COX7B2: variants seen among roughly 807,000 people sequenced by gnomAD.
COX7B2 encodes cytochrome c oxidase subunit 7B2, mitochondrial.
For synonymous variants in COX7B2, 37 were observed against 32.1 expected (o/e 1.15, Z -0.51); for missense variants, 109 against 95.9 (o/e 1.14, Z -0.57).
intron 2 of COX7B2, 123 bp from the exon 3 acceptor site, chr4:46,735,364 T>C: frequency 1.4e-6 from 1 of 691,508 alleles, no homozygotes. Flanking sequence ...TATAACAATA[T>C]CTGAATTTGA....
chr4:46,838,363 A>G (rs1018186877), intron 2 of COX7B2, among the ~76,000 whole-genome samples: 11 of 152,032 alleles, frequency 7.2e-5, no homozygotes, highest in African/African-American at 2.2e-4. Context: ...AACATGTATA[A>G]TATATATATT....
Position 46,899,047 on chromosome 4 carries a change from T to C in COX7B2, c.-105+10113A>G, listed in dbSNP as rs190927681. ...ACAAATTATGTTCAAGAAATGATCT[T>C]AGTTTTTATCAATTCCCATTGTTGA... On this transcript the variant is annotated intron_variant, in intron 1 of 2. Transcript: ENST00000355591. Among the ~76,000 whole-genome samples, 475 of 152,308 alleles carry C rather than the reference T, an allele frequency of 3.1e-3. 1 individual carries two copies. The highest frequency in any genetic ancestry group is 5.9e-3 in the Non-Finnish European group (403 of 68,020).
intron 2 of COX7B2, among the ~76,000 whole-genome samples, chr4:46,800,089 G>A (rs1362377550): frequency 6.6e-6 from 1 of 152,028 alleles, no homozygotes; most frequent in Non-Finnish European, 1.5e-5. Flanking sequence ...AATCTCTACA[G>A]TGAAAATTAT....
chr4:46,866,386 C>T (rs1424727271), intron 1 of COX7B2, among the ~76,000 whole-genome samples: 4 of 152,246 alleles, frequency 2.6e-5, no homozygotes, highest in South Asian at 2.1e-4. Flanking sequence ...GAAAGAAATC[C>T]GACCCTGCAA....
At chr4:46,830,176 T>C (rs1714972686) in intron 2 of COX7B2, among the ~76,000 whole-genome samples, 1 of 151,722 alleles carries the variant, frequency 6.6e-6, no homozygotes, top group African/African-American at 2.4e-5. Flanking sequence ...ATACAAAAAT[T>C]AGCCGGGGGT....
intron 2 of COX7B2, among the ~76,000 whole-genome samples, chr4:46,803,478 CAAAT>C (rs1482179691): frequency 1.4e-4 from 21 of 152,070 alleles, no homozygotes; most frequent in Non-Finnish European, 2.9e-5. Context: ...CCCACTTCAT[CAAAT>C]ATTTCATTAG....
intron 2 of COX7B2, among the ~76,000 whole-genome samples, chr4:46,743,546 C>A (rs1158577948): frequency 6.6e-6 from 1 of 152,074 alleles, no homozygotes; most frequent in Admixed American, 6.6e-5. Flanking sequence ...CAGTATTTCC[C>A]AAAATATGCC....
At chr4:46,775,323 T>G (rs1371758621) in intron 2 of COX7B2, among the ~76,000 whole-genome samples, 1 of 152,120 alleles carries the variant, frequency 6.6e-6, no homozygotes, top group East Asian at 1.9e-4. Flanking sequence ...TCATATGTTG[T>G]TAAAAGAATA....
intron 1 of COX7B2, among the ~76,000 whole-genome samples, chr4:46,846,464 G>A (rs1394528641): frequency 6.6e-6 from 1 of 151,914 alleles, no homozygotes. Flanking sequence ...ACAGCAAAAA[G>A]GTGAATAGGG....
chr4:46,747,230 AGT>A (rs1424326636), intron 2 of COX7B2, among the ~76,000 whole-genome samples: 1 of 151,880 alleles, frequency 6.6e-6, no homozygotes, highest in African/African-American at 2.4e-5. Flanking sequence ...AAAAGACCCT[AGT>A]GTGTGTTATT....
intron 1 of COX7B2, among the ~76,000 whole-genome samples, chr4:46,891,491 C>T (rs938304053): frequency 2.6e-5 from 4 of 152,068 alleles, no homozygotes; most frequent in Non-Finnish European, 5.9e-5. Context: ...AGAACGATGT[C>T]CCAAAAGTCA....
chr4:46,752,426 A>T (rs1398443722), intron 2 of COX7B2, among the ~76,000 whole-genome samples: 2 of 152,016 alleles, frequency 1.3e-5, no homozygotes, highest in Admixed American at 1.3e-4. Flanking sequence ...CTCCTGCCTG[A>T]TTACCCTGGC....
chr4:46,796,642 C>T (rs1164070696), intron 2 of COX7B2, among the ~76,000 whole-genome samples: 8 of 58,362 alleles, frequency 1.4e-4, no homozygotes, highest in East Asian at 7.4e-4. Flanking sequence ...CACATGCACA[C>T]GTATGTTTAT....
intron 2 of COX7B2, among the ~76,000 whole-genome samples, chr4:46,749,910 T>C (rs750066590): frequency 6.6e-6 from 1 of 152,176 alleles, no homozygotes; most frequent in Admixed American, 6.6e-5. Flanking sequence ...AATTCTATTA[T>C]CTGATTCAAC....
intron 2 of COX7B2, among the ~76,000 whole-genome samples, chr4:46,742,719 C>G (rs996243339): frequency 2.0e-5 from 3 of 152,060 alleles, no homozygotes; most frequent in Non-Finnish European, 4.4e-5. Context: ...ATTGTTATGC[C>G]TGGAGGAAAA....
chr4:46,776,128 G>A (rs1717139926), intron 2 of COX7B2, among the ~76,000 whole-genome samples: 1 of 151,906 alleles, frequency 6.6e-6, no homozygotes, highest in Non-Finnish European at 1.5e-5. Context: ...ATATACCATT[G>A]CTCCTATGAG....
chr4:46,768,917 C>T (rs1187125242), intron 2 of COX7B2, among the ~76,000 whole-genome samples: 1 of 151,604 alleles, frequency 6.6e-6, no homozygotes, highest in Non-Finnish European at 1.5e-5. Flanking sequence ...TCATAAGAGA[C>T]AACTATAAAT....
At chr4:46,893,921 C>CA (rs1383036125) in intron 1 of COX7B2, among the ~76,000 whole-genome samples, 1 of 152,004 alleles carries the variant, frequency 6.6e-6, no homozygotes, top group African/African-American at 2.4e-5. Flanking sequence ...AGAACTGACA[C>CA]AAAAAGAATA....
intron 2 of COX7B2, among the ~76,000 whole-genome samples, chr4:46,805,047 T>G (rs1179240174): frequency 6.6e-6 from 1 of 152,120 alleles, no homozygotes; most frequent in Non-Finnish European, 1.5e-5. Flanking sequence ...TGCTAACCTC[T>G]CACTGCCTGG....
Sources: allele counts gnomAD v4.1 joint callset (sites outside exome capture counted in the v4.1 genomes callset), GRCh38; gene constraint gnomAD v4.1.1; transcripts MANE v1.5; gene names NCBI Gene and HGNC (gene_info 2026-07-23, HGNC 2026-07-21).